SIM1: variants seen among roughly 807,000 people sequenced by gnomAD.
The protein encoded by SIM1 is single-minded homolog 1.
A neutral mutation model predicts 78.2 loss-of-function variants in SIM1; 18 were observed. The ratio of observed to expected loss-of-function variants is 0.23; its 90% confidence interval spans 0.16 to 0.34. The LOEUF (loss-of-function observed/expected upper bound fraction) is 0.34. SIM1 is among the 10% of genes least tolerant of loss of function. The probability of loss-of-function intolerance (pLI) is 1.00; values close to 1 mark genes in which losing one functional copy is unlikely to be tolerated. For synonymous variants in SIM1, 417 were observed against 385.2 expected, an observed-to-expected ratio of 1.08 and a Z score of -0.97; for missense variants, 939 against 975.1, an observed-to-expected ratio of 0.96 and a Z score of 0.49.
At chr6:100,404,520 T>C (rs1244830384) in intron 10 of SIM1, among the ~76,000 whole-genome samples, 1 of 152,010 alleles carries the variant, frequency 6.6e-6, no homozygotes, top group Non-Finnish European at 1.5e-5. Context: ...TAAGAACATA[T>C]GCATGCTTTT....
intron 9 of SIM1, among the ~76,000 whole-genome samples, chr6:100,433,984 A>T (rs193171085): frequency 1.4e-4 from 21 of 152,280 alleles, no homozygotes; most frequent in African/African-American, 4.6e-4. Context: ...TAATTACAAC[A>T]ACAGAGATTA....
At chr6:100,450,139 C>G (rs1176796754) in intron 4 of SIM1, 128 bp downstream of exon 4, 21 of 752,802 alleles carry the variant, frequency 2.8e-5, no homozygotes, top group Admixed American at 2.6e-4. Flanking sequence ...TAAGAGTCTT[C>G]CTGCTAGCTG....
rs182186340 is a variant in SIM1 at position 100,414,881 on chromosome 6, G to T, written c.1167+5909C>A. 2.5e-3 allele frequency among the ~76,000 whole-genome samples: 378 copies of T among 152,318 alleles called. 1 individual carries two copies. Among genetic ancestry groups the T allele is most frequent in the African/African-American group, 8.7e-3 (361 of 41,576 alleles). ...GAGTTTCTACCTTCACCAAAAGGAA[G>T]CCAGATTGCTGGCAATGAAAATTAA... On this transcript the variant is annotated intron_variant, in intron 10 of 11. Coordinates refer to ENST00000369208, the MANE Select transcript of SIM1 (RefSeq NM_005068.3).
intron 10 of SIM1, among the ~76,000 whole-genome samples, chr6:100,397,735 G>A (rs1394160722): frequency 6.6e-6 from 1 of 151,912 alleles, no homozygotes; most frequent in African/African-American, 2.4e-5. Context: ...AGGATGAAAA[G>A]ACAAGCTACA....
At chr6:100,432,018 C>T (rs563589908) in intron 9 of SIM1, among the ~76,000 whole-genome samples, 1 of 152,230 alleles carries the variant, frequency 6.6e-6, no homozygotes, top group Admixed American at 6.5e-5. Flanking sequence ...TAGTGGTGCA[C>T]ATCTGTAATC....
Position 100,386,940 on chromosome 6 carries a change from A to G in SIM1, c.*3421T>C, listed in dbSNP as rs1327882730. 1 of 152,090 alleles carries G rather than the reference A, an allele frequency of 6.6e-6. No individual in the cohort carries two copies. Among genetic ancestry groups the G allele is most frequent in the Non-Finnish European group, 1.5e-5 (1 of 67,942 alleles). 9.4% of individuals were successfully genotyped at this position (152,090 alleles called of 1,614,324 possible). ...CTGACCTGTAGTGATTGTGACATTA[A>G]TATTACACATCCCAAAATAACACAT... On this transcript the variant is annotated 3_prime_UTR_variant, in exon 12 of 12. Coordinates refer to ENST00000369208, the MANE Select transcript of SIM1 (RefSeq NM_005068.3).
intron 1 of SIM1, among the ~76,000 whole-genome samples, chr6:100,464,193 A>C (rs896424655): frequency 6.6e-6 from 1 of 152,064 alleles, no homozygotes; most frequent in African/African-American, 2.4e-5. Flanking sequence ...ATTTCTGAAG[A>C]CCCGCAAGGG....
intron 11 of SIM1, 24 bp downstream of exon 11, chr6:100,393,463 G>C (rs1029563757): frequency 2.0e-6 from 3 of 1,495,584 alleles, no homozygotes; most frequent in Non-Finnish European, 2.7e-6. Context: ...CTTGGAGTTC[G>C]GGAACCCTTT....
At chr6:100,402,568 T>TC (rs57280650) in intron 10 of SIM1, among the ~76,000 whole-genome samples, 6 of 74,570 alleles carry the variant, frequency 8.0e-5, no homozygotes, top group African/African-American at 1.5e-4. Flanking sequence ...TTCTTTTCTC[T>TC]TTTTTTTTTT....
Position 100,453,791 on chromosome 6 carries a change from C to T in SIM1, c.229G>A (p.Gly77Ser). 6.2e-7 allele frequency: 1 copy of T among 1,612,214 alleles called. No individual in the cohort carries two copies. Among genetic ancestry groups the T allele is most frequent in the Non-Finnish European group, 8.5e-7 (1 of 1,179,176 alleles). Residue 77 changes from glycine to serine, a missense_variant, in exon 3 of 12, where the codon GGC becomes AGC. Physicochemically the swap from Gly to Ser is moderately conservative, Grantham distance 56. Coordinates refer to ENST00000369208, the MANE Select transcript of SIM1 (RefSeq NM_005068.3). ...AGCAGATGGGAGCCCAGTTCTCGGCCAACGTTGTCCAGGGGGCTGGTCCGA... is the reference window on the plus strand; with the variant it reads ...AGCAGATGGGAGCCCAGTTCTCGGCTAACGTTGTCCAGGGGGCTGGTCCGA... ...SSRTSPLDNV[G>S]RELGSHLLQT...
chr6:100,412,721 AAGAAAGAAAG>A (rs1771271927), intron 10 of SIM1, among the ~76,000 whole-genome samples: 1 of 139,496 alleles, frequency 7.2e-6, no homozygotes, highest in Non-Finnish European at 1.5e-5. Context: ...GAAAGAAAGA[AAGAAAGAAAG>A]AAAGAAAGAA....
intron 10 of SIM1, among the ~76,000 whole-genome samples, chr6:100,406,529 A>G (rs1771054680): frequency 6.6e-6 from 1 of 152,322 alleles, no homozygotes; most frequent in East Asian, 1.9e-4. Context: ...TTTTGTAAAA[A>G]GAAATTGAAG....
rs1464027374 is a variant in SIM1 at position 100,393,758 on chromosome 6, C to G, written c.1299G>C (p.Ser433=). Residue 433 remains serine, a synonymous_variant, in exon 11 of 12, where the codon TCG becomes TCC. Coordinates refer to ENST00000369208, the MANE Select transcript of SIM1 (RefSeq NM_005068.3). ...GGTCCGAAAACTGTCTGTAGGCGCACGATGCGTCGTGCTGGGAGCCAGGCC... is the reference window on the plus strand; with the variant it reads ...GGTCCGAAAACTGTCTGTAGGCGCAGGATGCGTCGTGCTGGGAGCCAGGCC... ...ADRPGSQHDA[S]CAYRQFSDRS... 2 of 1,614,104 alleles carry G rather than the reference C, an allele frequency of 1.2e-6. No individual in the cohort carries two copies. The highest frequency in any genetic ancestry group is 1.3e-5 in the African/African-American group (1 of 74,950).
At position 100,448,697 on chromosome 6, in the gene SIM1, G is replaced by A. The variant is rs2114541126; in HGVS notation, c.544-19C>T. ...GGATGACCTGAGGCAGAGGGATAGGGAGGGAGACTCAGCCACAGGTAGGAA... is the reference window on the plus strand; with the variant it reads ...GGATGACCTGAGGCAGAGGGATAGGAAGGGAGACTCAGCCACAGGTAGGAA... On this transcript the variant is annotated intron_variant, in intron 6 of 11. Coordinates refer to ENST00000369208, the MANE Select transcript of SIM1 (RefSeq NM_005068.3). 1 of 1,601,194 alleles carries A rather than the reference G, an allele frequency of 6.2e-7. No homozygotes were observed. The highest frequency in any genetic ancestry group is 8.5e-7 in the Non-Finnish European group (1 of 1,176,574).
intron 2 of SIM1, among the ~76,000 whole-genome samples, chr6:100,462,130 G>A (rs1772872351): frequency 6.6e-6 from 1 of 151,970 alleles, no homozygotes; most frequent in African/African-American, 2.4e-5. Context: ...ACCCAATAAT[G>A]ACTGTTTCCT....
rs115156017 is a variant in SIM1, at chr6:100,392,200, T to C, written c.1571-1109A>G. Among the ~76,000 whole-genome samples the C allele has an allele frequency of 3.4e-3, 511 of 152,254 alleles. 2 individuals carry two copies. The highest frequency in any genetic ancestry group is 0.012 in the African/African-American group (500 of 41,540). On this transcript the variant is annotated intron_variant, in intron 11 of 11. Transcript: ENST00000369208. Reference sequence around the variant, plus strand: ...AAAAAAAATTTTTTTAGACAATATTTATAATTTTAATAACAACCTGTTTGG... The same window carrying C: ...AAAAAAAATTTTTTTAGACAATATTCATAATTTTAATAACAACCTGTTTGG...
At chr6:100,405,792 A>G (rs944528515) in intron 10 of SIM1, among the ~76,000 whole-genome samples, 39 of 152,150 alleles carry the variant, frequency 2.6e-4, no homozygotes, top group Non-Finnish European at 4.4e-5. Context: ...TTTCTCACAG[A>G]AAAGTAACCA....
chr6:100,393,645 C>G lies in SIM1; in HGVS notation c.1412G>C (p.Arg471Pro), dbSNP rs367796843. Residue 471 changes from arginine (R) to proline (P), a missense_variant, in exon 11 of 12, where the codon CGA becomes CCA. Coordinates refer to ENST00000369208, the MANE Select transcript of SIM1 (RefSeq NM_005068.3). ...CAGGAAGTACCTGCCTGCCTCACATCGGCCTCCTTCACAGGCCTGGGTATG... is the reference window on the plus strand; with the variant it reads ...CAGGAAGTACCTGCCTGCCTCACATGGGCCTCCTTCACAGGCCTGGGTATG... Reference protein sequence around the residue: ...HFHTQACEGGRCEAGRYFLGT... With the variant: ...HFHTQACEGGPCEAGRYFLGT... The G allele has an allele frequency of 4.3e-6, 7 of 1,613,978 alleles. No individual in the cohort carries two copies. The highest frequency in any genetic ancestry group is 3.3e-5 in the Admixed American group (2 of 60,012).
At chr6:100,398,000 A>C (rs1428310930) in intron 10 of SIM1, among the ~76,000 whole-genome samples, 1 of 152,156 alleles carries the variant, frequency 6.6e-6, no homozygotes, top group Non-Finnish European at 1.5e-5. Context: ...TAAAATAAAA[A>C]ATAATGACAA....
Sources: allele counts gnomAD v4.1 joint callset (sites outside exome capture counted in the v4.1 genomes callset), GRCh38; gene constraint gnomAD v4.1.1; transcripts MANE v1.5; gene names NCBI Gene and HGNC (gene_info 2026-07-23, HGNC 2026-07-21).